Variants in BFSP2 observed in about 807,000 individuals in gnomAD.
The protein encoded by BFSP2 is beaded filament structural protein 2.
Under a neutral mutation model 44.9 loss-of-function variants are expected in BFSP2, and 38 were observed. The observed-to-expected ratio is 0.85, with a 90% CI of 0.65 to 1.11. BFSP2 has a LOEUF of 1.11. BFSP2 is among the 50% of genes least tolerant of loss of function. The pLI is 0.00. For missense variants in BFSP2, 525 were observed against 533.0 expected (o/e 0.99, Z 0.15); for synonymous variants, 197 against 209.9 (o/e 0.94, Z 0.53).
chr3:133,463,042 C>T (rs1159935446), intron 4 of BFSP2, among the ~76,000 whole-genome samples: 1 of 152,150 alleles, frequency 6.6e-6, no homozygotes, highest in African/African-American at 2.4e-5. Flanking sequence ...GGTGCGGTGG[C>T]TCACGCCTGA....
intron 1 of BFSP2, among the ~76,000 whole-genome samples, chr3:133,427,524 A>C (rs1576571243): frequency 1.3e-5 from 2 of 152,212 alleles, no homozygotes; most frequent in African/African-American, 4.8e-5. Flanking sequence ...TCAAGTGAGC[A>C]TTTCCCTGCC....
intron 1 of BFSP2, among the ~76,000 whole-genome samples, chr3:133,423,316 T>C (rs57254508): frequency 0.11 from 17,419 of 152,106 alleles, 1,406 homozygotes; most frequent in African/African-American, 0.24. Flanking sequence ...TCGCTTAACC[T>C]CTCTGAATTC....
At chr3:133,446,596 A>AAAGGAGT (rs1353956103) in intron 1 of BFSP2, among the ~76,000 whole-genome samples, 1 of 28,428 alleles carries the variant, frequency 3.5e-5, no homozygotes, top group African/African-American at 1.8e-4. Flanking sequence ...ATATATATAT[A>AAAGGAGT]TATATATATA....
intron 1 of BFSP2, among the ~76,000 whole-genome samples, chr3:133,419,033 G>T (rs1464348600): frequency 6.6e-6 from 1 of 152,210 alleles, no homozygotes; most frequent in Non-Finnish European, 1.5e-5. Flanking sequence ...AGAAGTCCAA[G>T]ATCAAGGTGT....
At chr3:133,426,756 T>C (rs960155563) in intron 1 of BFSP2, among the ~76,000 whole-genome samples, 3 of 152,232 alleles carry the variant, frequency 2.0e-5, no homozygotes, top group Non-Finnish European at 2.9e-5. Flanking sequence ...GGCCTCCCTC[T>C]TCTGCGTGGG....
chr3:133,444,995 C>T (rs1049361158), intron 1 of BFSP2, among the ~76,000 whole-genome samples: 8 of 152,182 alleles, frequency 5.3e-5, no homozygotes, highest in Non-Finnish European at 1.0e-4. Context: ...CCAAGGCCTT[C>T]CCTCTATGGT....
chr3:133,404,580 C>G (rs537415771), intron 1 of BFSP2, among the ~76,000 whole-genome samples: 107 of 152,290 alleles, frequency 7.0e-4, no homozygotes, highest in African/African-American at 2.5e-3. Context: ...AGCGAGGCCT[C>G]TGGATGCCTA....
At position 133,429,883 on chromosome 3, in the gene BFSP2, C is replaced by T. The variant is rs1233356138; in HGVS notation, c.490-17434C>T. On this transcript the variant is annotated intron_variant, in intron 1 of 6. Transcript: ENST00000302334. ...ACTCGTCATTTAGCATTAGGTATAT[C>T]TCCTAATGCTATCCCTCCCCACTAC... Among the ~76,000 whole-genome samples, 7 of 151,542 alleles carry T rather than the reference C, an allele frequency of 4.6e-5. No individual in the cohort carries two copies. The South Asian group carries it at 1.0e-3, about 22-fold the overall frequency.
intron 1 of BFSP2, among the ~76,000 whole-genome samples, chr3:133,441,195 C>T (rs144762824): frequency 7.9e-5 from 12 of 152,100 alleles, no homozygotes; most frequent in African/African-American, 2.4e-4. Context: ...ACACCCACGC[C>T]GGGCTAATTT....
chr3:133,472,586 A>C (rs921726245), intron 6 of BFSP2, 21 bp downstream of exon 6: 5 of 1,607,156 alleles, frequency 3.1e-6, no homozygotes, highest in Non-Finnish European at 4.2e-6. Context: ...CTTCCGCGTC[A>C]ATTATCCAAG....
At chr3:133,424,212 ATTT>A (rs112772093) in intron 1 of BFSP2, among the ~76,000 whole-genome samples, 1 of 64,772 alleles carries the variant, frequency 1.5e-5, no homozygotes, top group African/African-American at 3.6e-5. Context: ...CGTCCAGCTA[ATTT>A]TTTTTTTTTT....
chr3:133,451,602 TA>T, intron 4 of BFSP2, among the ~76,000 whole-genome samples: 1 of 152,190 alleles, frequency 6.6e-6, no homozygotes, highest in Non-Finnish European at 1.5e-5. Context: ...TACAGTAGGG[TA>T]AAGCATTCAA....
chr3:133,450,615 A>G, intron 4 of BFSP2, 151 bp downstream of exon 4: 1 of 980,588 alleles, frequency 1.0e-6, no homozygotes, highest in South Asian at 1.5e-5. Context: ...AATTAAAATA[A>G]TAGCTTTTTG....
intron 1 of BFSP2, among the ~76,000 whole-genome samples, chr3:133,414,389 G>A (rs1379505309): frequency 2.6e-4 from 6 of 23,046 alleles, no homozygotes; most frequent in Non-Finnish European, 3.1e-4. Flanking sequence ...TACCCCTGCC[G>A]TCTCTACTCA....
chr3:133,463,633 C>A (rs183695008), intron 4 of BFSP2, among the ~76,000 whole-genome samples: 3 of 152,324 alleles, frequency 2.0e-5, no homozygotes, highest in Admixed American at 2.0e-4. Flanking sequence ...TTTAACTCTG[C>A]CATTTTGCCT....
At chr3:133,457,489 A>G (rs969606985) in intron 4 of BFSP2, among the ~76,000 whole-genome samples, 5 of 152,248 alleles carry the variant, frequency 3.3e-5, no homozygotes, top group African/African-American at 1.2e-4. Flanking sequence ...ATGGGGGTCA[A>G]TCAATGTTAT....
At chr3:133,431,299 T>C (rs957672386) in intron 1 of BFSP2, among the ~76,000 whole-genome samples, 1 of 152,126 alleles carries the variant, frequency 6.6e-6, no homozygotes, top group Non-Finnish European at 1.5e-5. Context: ...TTGCCTCCAC[T>C]CTGAGACAAA....
intron 1 of BFSP2, among the ~76,000 whole-genome samples, chr3:133,430,529 T>C (rs1240253596): frequency 6.6e-6 from 1 of 152,158 alleles, no homozygotes; most frequent in Non-Finnish European, 1.5e-5. Flanking sequence ...TTGACCCCAA[T>C]ACATACTCGA....
intron 1 of BFSP2, among the ~76,000 whole-genome samples, chr3:133,428,620 T>C (rs1458695445): frequency 6.6e-6 from 1 of 152,232 alleles, no homozygotes; most frequent in Non-Finnish European, 1.5e-5. Context: ...TAGATTCCTC[T>C]GATGTTGGCA....
Sources: allele counts gnomAD v4.1 joint callset (sites outside exome capture counted in the v4.1 genomes callset), GRCh38; gene constraint gnomAD v4.1.1; transcripts MANE v1.5; gene names NCBI Gene and HGNC (gene_info 2026-07-23, HGNC 2026-07-21).